Variants in PCBP3 observed in about 807,000 individuals in gnomAD.
PCBP3 encodes the protein poly(rC) binding protein 3.
A neutral mutation model predicts 52.7 loss-of-function variants in PCBP3; 25 were observed. The ratio of observed to expected loss-of-function variants is 0.47; its 90% CI spans 0.35 to 0.66. The LOEUF (loss-of-function observed/expected upper bound fraction) is 0.66. Among genes scored for constraint, PCBP3 ranks in the 30% least tolerant of loss-of-function variants. PCBP3 has a pLI of 0.01. For missense variants in PCBP3, 391 were observed against 490.3 expected, an observed-to-expected ratio of 0.80 and a Z score of 1.91; for synonymous variants, 162 against 183.0, an observed-to-expected ratio of 0.89 and a Z score of 0.93.
chr21:45,776,540 G>T (rs2090274282), intron 4 of PCBP3, among the ~76,000 whole-genome samples: 2 of 150,086 alleles, frequency 1.3e-5, no homozygotes, highest in Non-Finnish European at 3.0e-5. Context: ...TATGAATCTT[G>T]ATGCTCTGGT....
intron 5 of PCBP3, among the ~76,000 whole-genome samples, chr21:45,863,597 C>T (rs1161352592): frequency 2.6e-5 from 4 of 152,188 alleles, no homozygotes; most frequent in African/African-American, 2.4e-5. Flanking sequence ...GGCTCCCGCC[C>T]GAGGCCAATG....
chr21:45,660,408 A>G (rs2080310816), intron 1 of PCBP3, among the ~76,000 whole-genome samples: 1 of 152,120 alleles, frequency 6.6e-6, no homozygotes, highest in East Asian at 1.9e-4. Context: ...TAAAAAATCC[A>G]TTTAGACAAT....
chr21:45,922,965 T>G (rs1294366310), intron 13 of PCBP3, among the ~76,000 whole-genome samples: 4 of 123,696 alleles, frequency 3.2e-5, no homozygotes, highest in Non-Finnish European at 6.9e-5. Context: ...GTGGGGAAAT[T>G]GTAGAAATGT....
At chr21:45,937,583 T>C (rs563839815) in intron 16 of PCBP3, among the ~76,000 whole-genome samples, 2 of 152,262 alleles carry the variant, frequency 1.3e-5, no homozygotes, top group East Asian at 3.9e-4. Context: ...GACATCTGAT[T>C]AGGAGGGGCC....
intron 2 of PCBP3, among the ~76,000 whole-genome samples, chr21:45,691,380 G>A (rs1467583548): frequency 7.0e-6 from 1 of 143,268 alleles, no homozygotes; most frequent in Non-Finnish European, 1.5e-5. Flanking sequence ...GTTTGTGGGG[G>A]TAGTTATATA....
intron 2 of PCBP3, among the ~76,000 whole-genome samples, chr21:45,734,246 A>G (rs943533798): frequency 3.3e-5 from 5 of 152,166 alleles, no homozygotes; most frequent in African/African-American, 1.2e-4. Context: ...TGTTGGGAGT[A>G]GGAACTCTTC....
chr21:45,886,242 T>C (rs9976013), intron 5 of PCBP3, among the ~76,000 whole-genome samples: 8,573 of 19,584 alleles, frequency 0.44, 1,929 homozygotes, highest in East Asian at 0.64. Context: ...GGGCAGAGGA[T>C]GTGGTGAGGT....
At chr21:45,835,668 A>T (rs1231702135) in intron 4 of PCBP3, among the ~76,000 whole-genome samples, 1 of 152,168 alleles carries the variant, frequency 6.6e-6, no homozygotes, top group Non-Finnish European at 1.5e-5. Flanking sequence ...GTGGCCCCAC[A>T]TCCCTGTGAG....
intron 13 of PCBP3, among the ~76,000 whole-genome samples, chr21:45,921,313 C>T (rs1208985085): frequency 6.6e-6 from 1 of 152,082 alleles, no homozygotes; most frequent in Non-Finnish European, 1.5e-5. Context: ...ACAGTGCCGG[C>T]TTATATACAG....
intron 4 of PCBP3, among the ~76,000 whole-genome samples, chr21:45,768,004 C>T (rs962492660): frequency 2.6e-5 from 4 of 152,274 alleles, no homozygotes; most frequent in Non-Finnish European, 4.4e-5. Context: ...GTTTTAGGAC[C>T]AGTGTCACTA....
intron 16 of PCBP3, among the ~76,000 whole-genome samples, chr21:45,939,486 C>T (rs1033116978): frequency 3.9e-5 from 6 of 152,264 alleles, no homozygotes; most frequent in African/African-American, 1.4e-4. Flanking sequence ...CCCGAATGGC[C>T]TCAGAGTTTA....
intron 4 of PCBP3, among the ~76,000 whole-genome samples, chr21:45,783,209 G>A (rs896995497): frequency 4.6e-5 from 7 of 152,088 alleles, no homozygotes; most frequent in Non-Finnish European, 8.8e-5. Context: ...TTTACAATCC[G>A]TCACTAATGA....
chr21:45,661,507 T>G (rs1360353749), intron 1 of PCBP3, among the ~76,000 whole-genome samples: 1 of 152,238 alleles, frequency 6.6e-6, no homozygotes, highest in Non-Finnish European at 1.5e-5. Flanking sequence ...TGTGGCTTAG[T>G]AGTATTTTTT....
intron 4 of PCBP3, among the ~76,000 whole-genome samples, chr21:45,815,168 AGTGGTGAGTGG>A: frequency 1.6e-5 from 1 of 61,446 alleles, no homozygotes; most frequent in Non-Finnish European, 3.0e-5. Context: ...GTGAGTAGTG[AGTGGTGAGTGG>A]TGAGTGAGTG....
At chr21:45,857,194 G>T (rs1473464998) in intron 5 of PCBP3, among the ~76,000 whole-genome samples, 1 of 152,190 alleles carries the variant, frequency 6.6e-6, no homozygotes, top group Non-Finnish European at 1.5e-5. Context: ...ACAAAGGACG[G>T]CTTTGTAGGA....
At position 45,928,551 on chromosome 21, in the gene PCBP3, C is replaced by T. The variant is rs974084503; in HGVS notation, c.718-1366C>T. 1.3e-5 allele frequency among the ~76,000 whole-genome samples: 2 copies of T among 152,194 alleles called. No homozygotes were observed. The highest frequency in any genetic ancestry group is 2.9e-5 in the Non-Finnish European group (2 of 68,022). On this transcript the variant is annotated intron_variant, in intron 13 of 17. Transcript: ENST00000681687. The surrounding 1 kb of genome is among the most constrained non-coding windows in gnomAD (Gnocchi z 4.1). Reference sequence around the variant, plus strand: ...GGGAAGGCGCTGGGACCACAGTCGCCGCATTCCTGACTGTGCTCCCTGGTG... The same window carrying T: ...GGGAAGGCGCTGGGACCACAGTCGCTGCATTCCTGACTGTGCTCCCTGGTG...
intron 3 of PCBP3, among the ~76,000 whole-genome samples, chr21:45,739,392 A>C (rs1603357845): frequency 1.4e-5 from 1 of 72,318 alleles, no homozygotes. Context: ...CCCCATCTTC[A>C]TCAGCCCACC....
At chr21:45,645,341 ATAT>A (rs1440780298) in intron 1 of PCBP3, among the ~76,000 whole-genome samples, 1 of 152,142 alleles carries the variant, frequency 6.6e-6, no homozygotes, top group African/African-American at 2.4e-5. Context: ...TTAGTTGATA[ATAT>A]TATAAGGTTT....
intron 2 of PCBP3, among the ~76,000 whole-genome samples, chr21:45,731,384 G>A (rs1281522236): frequency 1.3e-5 from 2 of 152,208 alleles, no homozygotes; most frequent in Non-Finnish European, 2.9e-5. Flanking sequence ...GTACAGTCAA[G>A]GCAGCACAGG....
Sources: gnomAD v4.1 joint callset for allele counts (sites outside exome capture counted in the v4.1 genomes callset) on GRCh38, gnomAD v4.1.1 for gene constraint, Gnocchi (gnomAD v3.1) non-coding constraint, MANE v1.5 for transcripts, NCBI Gene and HGNC (gene_info 2026-07-23, HGNC 2026-07-21) for gene names.